The following FSTL4 variants were observed in gnomAD, a reference collection of about 807,000 sequenced individuals.
FSTL4 encodes the protein follistatin like 4.
A neutral mutation model predicts 78.2 loss-of-function variants in FSTL4; 28 were observed. The ratio of observed to expected loss-of-function variants is 0.36; its 90% CI spans 0.27 to 0.49. The LOEUF (loss-of-function observed/expected upper bound fraction) is 0.49. Ranked by LOEUF, FSTL4 falls within the 20% of genes least tolerant of loss-of-function variation. The probability of loss-of-function intolerance (pLI) is 0.98; values close to 1 mark genes in which losing one functional copy is unlikely to be tolerated. For missense variants in FSTL4, 922 were observed against 1,084.9 expected, an observed-to-expected ratio of 0.85 and a Z score of 2.11; for synonymous variants, 422 against 440.5, an observed-to-expected ratio of 0.96 and a Z score of 0.53.
the FSTL4 span, among the ~76,000 whole-genome samples, chr5:133,816,961 C>A: frequency 6.6e-6 from 1 of 152,150 alleles, no homozygotes; most frequent in Non-Finnish European, 1.5e-5. Flanking sequence ...CTCCAGGCAG[C>A]CCCCATTCAA....
chr5:133,356,531 A>C (rs1754948031), intron 4 of FSTL4, among the ~76,000 whole-genome samples: 1 of 152,202 alleles, frequency 6.6e-6, no homozygotes, highest in Non-Finnish European at 1.5e-5. Context: ...GGACAGGTAG[A>C]CGCCCCTGCA....
chr5:133,768,118 C>A, the FSTL4 span, among the ~76,000 whole-genome samples: 1 of 151,912 alleles, frequency 6.6e-6, no homozygotes, highest in East Asian at 1.9e-4. Flanking sequence ...TTTTTAGCAG[C>A]TAACTCTTTC....
At chr5:133,505,623 T>C (rs1007791851) in intron 3 of FSTL4, among the ~76,000 whole-genome samples, 7 of 152,250 alleles carry the variant, frequency 4.6e-5, no homozygotes, top group Admixed American at 3.3e-4. Flanking sequence ...GGGATGAAGA[T>C]ATTTTGGAAT....
At chr5:133,624,150 A>G in the FSTL4 span, among the ~76,000 whole-genome samples, 2 of 151,980 alleles carry the variant, frequency 1.3e-5, no homozygotes, top group African/African-American at 4.8e-5. Context: ...TTGCACATGA[A>G]TGTTCGCAGC....
the FSTL4 span, among the ~76,000 whole-genome samples, chr5:133,730,798 C>A: frequency 1.2e-4 from 19 of 152,214 alleles, no homozygotes; most frequent in Non-Finnish European, 2.4e-4. Flanking sequence ...GCCCATCTGT[C>A]TGGCTTCTGG....
intron 5 of FSTL4, 142 bp from the exon 6 acceptor site, chr5:133,312,919 T>C (rs1292969714): frequency 1.4e-6 from 1 of 724,966 alleles, no homozygotes; most frequent in Non-Finnish European, 2.2e-6. Flanking sequence ...GATTTTGTCT[T>C]GTCTGACTCC....
chr5:133,218,612 A>G (rs1004394445), intron 12 of FSTL4, among the ~76,000 whole-genome samples: 1 of 152,088 alleles, frequency 6.6e-6, no homozygotes, highest in Admixed American at 6.5e-5. Context: ...GCACTCCTCA[A>G]TCACGCCGCT....
the FSTL4 span, among the ~76,000 whole-genome samples, chr5:133,712,294 C>T: frequency 1.3e-5 from 2 of 152,160 alleles, no homozygotes; most frequent in African/African-American, 4.8e-5. Context: ...TCGTCCAGGA[C>T]TGATATGGCA....
intron 8 of FSTL4, among the ~76,000 whole-genome samples, chr5:133,231,445 A>G (rs1751492442): frequency 6.6e-6 from 1 of 151,990 alleles, no homozygotes; most frequent in African/African-American, 2.4e-5. Context: ...TGTGGCAGAG[A>G]CCCAACTCTT....
chr5:133,699,810 G>C, the FSTL4 span, among the ~76,000 whole-genome samples: 4 of 150,940 alleles, frequency 2.7e-5, no homozygotes, highest in African/African-American at 9.8e-5. Context: ...GAACCCGGGA[G>C]GTGGAGCTTC....
In FSTL4 at chr5:133,425,941, TGAG is replaced by T. The variant is rs1580700767; in HGVS notation, c.161-24958_161-24956del. On this transcript the variant is annotated intron_variant, in intron 3 of 15. Coordinates refer to ENST00000265342, the MANE Select transcript of FSTL4 (RefSeq NM_015082.2). ...AAAGAGCCTGCATTTGAAGTTAGGGTGAGGAGAAGGGAAGCAGGAATGACGTGG... is the reference window on the plus strand; with the variant it reads ...AAAGAGCCTGCATTTGAAGTTAGGGTGAGAAGGGAAGCAGGAATGACGTGG... Among the ~76,000 whole-genome samples, 3 of 152,120 alleles carry T rather than the reference TGAG, an allele frequency of 2.0e-5. No individual in the cohort carries two copies. The East Asian group carries it at 5.8e-4, about 29-fold the overall frequency.
chr5:133,726,892 G>A, the FSTL4 span, among the ~76,000 whole-genome samples: 1 of 152,146 alleles, frequency 6.6e-6, no homozygotes, highest in Non-Finnish European at 1.5e-5. Context: ...GCAAGATAAA[G>A]CTCTGTTTCA....
the FSTL4 span, among the ~76,000 whole-genome samples, chr5:133,800,329 T>C: frequency 2.2e-5 from 3 of 137,912 alleles, 1 homozygote; most frequent in Admixed American, 2.2e-4. Context: ...CACCAAGGTT[T>C]AGGGCAGGGG....
chr5:133,821,432 T>A, the FSTL4 span, among the ~76,000 whole-genome samples: 1 of 152,254 alleles, frequency 6.6e-6, no homozygotes, highest in Admixed American at 6.5e-5. Flanking sequence ...ATGTCCTGGC[T>A]TGCTGGGACA....
At chr5:133,359,581 A>G (rs1755022998) in intron 4 of FSTL4, among the ~76,000 whole-genome samples, 1 of 152,226 alleles carries the variant, frequency 6.6e-6, no homozygotes, top group Non-Finnish European at 1.5e-5. Context: ...TGGGGATGAC[A>G]GCAATGGTCT....
At chr5:133,653,530 G>C in the FSTL4 span, among the ~76,000 whole-genome samples, 18 of 152,156 alleles carry the variant, frequency 1.2e-4, no homozygotes, top group African/African-American at 4.3e-4. Context: ...AGGATTAACT[G>C]TTCTGCATCT....
chr5:133,499,968 C>T lies in FSTL4; in HGVS notation c.160+67218G>A, dbSNP rs78199640. Among the ~76,000 whole-genome samples the T allele has an allele frequency of 1.8e-3, 272 of 152,210 alleles. 5 individuals are homozygous for T. In the East Asian group the frequency reaches 0.044, roughly 25 times the overall value. On this transcript the variant is annotated intron_variant, in intron 3 of 15. Transcript: ENST00000265342. ...AGACCAGACGGGCTGCAAACCATGC[C>T]GCATATTTCCTTTTTATCACCTCTC...
chr5:133,623,618 G>A, the FSTL4 span, among the ~76,000 whole-genome samples: 2 of 151,928 alleles, frequency 1.3e-5, no homozygotes, highest in Non-Finnish European at 2.9e-5. Flanking sequence ...AACACAAAAA[G>A]CATGAGTAAC....
the FSTL4 span, among the ~76,000 whole-genome samples, chr5:133,783,778 A>G: frequency 8.5e-5 from 13 of 152,304 alleles, no homozygotes; most frequent in South Asian, 8.3e-4. Flanking sequence ...ACTGTAGTTC[A>G]AGGGAAGTTA....
Sources: gnomAD v4.1 joint callset for allele counts (sites outside exome capture counted in the v4.1 genomes callset) on GRCh38, gnomAD v4.1.1 for gene constraint, MANE v1.5 for transcripts, NCBI Gene and HGNC (gene_info 2026-07-23, HGNC 2026-07-21) for gene names.